The following CNTNAP2 variants were observed in gnomAD, a reference collection of about 807,000 sequenced individuals.
The protein encoded by CNTNAP2 is contactin-associated protein-like 2.
Under a neutral mutation model 155.2 loss-of-function variants are expected in CNTNAP2, and 98 were observed. That is an observed-to-expected ratio of 0.63 (90% CI 0.54 to 0.75). The LOEUF (loss-of-function observed/expected upper bound fraction) is 0.75. CNTNAP2 is among the 30% of genes least tolerant of loss of function. CNTNAP2 has a pLI of 0.00. For missense variants in CNTNAP2, 1,727 were observed against 1,688.1 expected (o/e 1.02, Z -0.40); for synonymous variants, 651 against 631.2 (o/e 1.03, Z -0.47).
chr7:148,120,183 G>C lies in CNTNAP2; in HGVS notation c.2554+1895G>C, dbSNP rs368257542. On this transcript the variant is annotated intron_variant, in intron 16 of 23. Transcript: ENST00000361727. ...TCAAGTTTTGTAAAGCCACGCCTGG[G>C]TAAGAAGGAACACATACTAGATAGA... 3.4e-5 allele frequency among the ~76,000 whole-genome samples: 5 copies of C among 146,884 alleles called. No homozygotes were observed. In the East Asian group the frequency reaches 7.9e-4, roughly 23 times the overall value.
intron 16 of CNTNAP2, among the ~76,000 whole-genome samples, chr7:148,140,001 T>C (rs1200003519): frequency 6.6e-6 from 1 of 152,178 alleles, no homozygotes; most frequent in Non-Finnish European, 1.5e-5. Context: ...GATAGTTCTG[T>C]AGAAGGACTC....
intron 10 of CNTNAP2, among the ~76,000 whole-genome samples, chr7:147,401,506 T>TTAAATG (rs1260415323): frequency 1.3e-5 from 2 of 152,286 alleles, no homozygotes; most frequent in Non-Finnish European, 1.5e-5. Flanking sequence ...AAATGAGGAT[T>TTAAATG]AGGTAGATAC....
At chr7:147,339,135 T>G (rs1016994081) in intron 9 of CNTNAP2, among the ~76,000 whole-genome samples, 12 of 151,776 alleles carry the variant, frequency 7.9e-5, no homozygotes, top group Non-Finnish European at 1.6e-4. Flanking sequence ...ATAAGTTATA[T>G]TATTTGTTAT....
At chr7:147,913,812 T>TC (rs1800110200) in intron 14 of CNTNAP2, among the ~76,000 whole-genome samples, 1 of 152,136 alleles carries the variant, frequency 6.6e-6, no homozygotes, top group Non-Finnish European at 1.5e-5. Flanking sequence ...GATGTGAGAA[T>TC]CAGGGGACCC....
At chr7:146,927,235 C>T (rs1319249323) in intron 3 of CNTNAP2, among the ~76,000 whole-genome samples, 1 of 152,114 alleles carries the variant, frequency 6.6e-6, no homozygotes, top group Non-Finnish European at 1.5e-5. Flanking sequence ...AACCTTGAAA[C>T]TGGGAAAGCT....
intron 14 of CNTNAP2, among the ~76,000 whole-genome samples, chr7:147,905,820 C>T (rs1036425869): frequency 2.0e-5 from 3 of 151,832 alleles, no homozygotes; most frequent in Non-Finnish European, 4.4e-5. Flanking sequence ...GGAGGCGGAG[C>T]TTGCAGTGAG....
chr7:147,582,740 TC>T (rs1800528166), intron 12 of CNTNAP2, among the ~76,000 whole-genome samples: 1 of 152,150 alleles, frequency 6.6e-6, no homozygotes, highest in Non-Finnish European at 1.5e-5. Context: ...TTCCTATTTT[TC>T]CTCGTATGAG....
intron 8 of CNTNAP2, among the ~76,000 whole-genome samples, chr7:147,150,787 G>T (rs141002877): frequency 6.6e-6 from 1 of 152,220 alleles, no homozygotes; most frequent in Non-Finnish European, 1.5e-5. Flanking sequence ...AGAACAAGAC[G>T]ACAACAGAGT....
intron 1 of CNTNAP2, among the ~76,000 whole-genome samples, chr7:146,585,101 G>GTGTTTTGTTT (rs10677797): frequency 0.016 from 2,308 of 147,954 alleles, 47 homozygotes; most frequent in Middle Eastern, 0.048. Flanking sequence ...GAGTATCTTG[G>GTGTTTTGTTT]TGTTTTGTTT....
intron 1 of CNTNAP2, among the ~76,000 whole-genome samples, chr7:146,246,470 C>T (rs1201667914): frequency 1.3e-5 from 2 of 149,574 alleles, no homozygotes; most frequent in African/African-American, 2.5e-5. Context: ...GCCGTCAATA[C>T]CCACAACAGT....
chr7:147,327,880 A>G (rs1258904603), intron 9 of CNTNAP2, among the ~76,000 whole-genome samples: 1 of 152,164 alleles, frequency 6.6e-6, no homozygotes, highest in Non-Finnish European at 1.5e-5. Context: ...GTCATCCCAA[A>G]GAGTTGATCC....
At chr7:147,442,829 C>T (rs571377034) in intron 10 of CNTNAP2, among the ~76,000 whole-genome samples, 2 of 152,216 alleles carry the variant, frequency 1.3e-5, no homozygotes, top group South Asian at 2.1e-4. Context: ...AAGGGGGCCT[C>T]ATGACTCTGA....
At chr7:146,290,235 T>G (rs560334820) in intron 1 of CNTNAP2, among the ~76,000 whole-genome samples, 113 of 152,224 alleles carry the variant, frequency 7.4e-4, no homozygotes, top group Non-Finnish European at 1.3e-3. Flanking sequence ...GGTAATTTTT[T>G]ATGGCTCCAT....
chr7:147,307,955 A>G (rs1265428332), intron 9 of CNTNAP2, among the ~76,000 whole-genome samples: 14 of 152,226 alleles, frequency 9.2e-5, no homozygotes, highest in Non-Finnish European at 7.3e-5. Context: ...TTGGAAGATT[A>G]CATTCTAGGC....
At chr7:146,680,919 C>T (rs1800490886) in intron 1 of CNTNAP2, among the ~76,000 whole-genome samples, 1 of 152,130 alleles carries the variant, frequency 6.6e-6, no homozygotes, top group African/African-American at 2.4e-5. Context: ...TACAAGAGTG[C>T]TGGACTTAAT....
chr7:146,772,502 CAAAAAAA>C (rs71165037), intron 1 of CNTNAP2, among the ~76,000 whole-genome samples: 2 of 96,238 alleles, frequency 2.1e-5, no homozygotes, highest in Non-Finnish European at 4.8e-5. Flanking sequence ...ACTGAAAATA[CAAAAAAA>C]AAAAAAAAAA....
At chr7:146,756,798 T>C (rs1802002734) in intron 1 of CNTNAP2, among the ~76,000 whole-genome samples, 1 of 152,092 alleles carries the variant, frequency 6.6e-6, no homozygotes, top group South Asian at 2.1e-4. Flanking sequence ...CATTTGAAAT[T>C]ATAGGTCTAC....
At chr7:146,755,667 A>G in intron 1 of CNTNAP2, among the ~76,000 whole-genome samples, 1 of 152,002 alleles carries the variant, frequency 6.6e-6, no homozygotes, top group East Asian at 1.9e-4. Flanking sequence ...CTAATAGCAA[A>G]CAAATAATTC....
chr7:146,212,844 G>A (rs1157927543), intron 1 of CNTNAP2, among the ~76,000 whole-genome samples: 1 of 152,148 alleles, frequency 6.6e-6, no homozygotes, highest in Non-Finnish European at 1.5e-5. Flanking sequence ...AGTACATTGT[G>A]TTCTTCCAGG....
Sources: gnomAD v4.1 joint callset for allele counts (sites outside exome capture counted in the v4.1 genomes callset) on GRCh38, gnomAD v4.1.1 for gene constraint, MANE v1.5 for transcripts, NCBI Gene and HGNC (gene_info 2026-07-23, HGNC 2026-07-21) for gene names.